The following EPB41L4A variants were observed in gnomAD, a reference collection of about 807,000 sequenced individuals.
EPB41L4A encodes the protein erythrocyte membrane protein band 4.1 like 4A.
Under a neutral mutation model 108.6 loss-of-function variants are expected in EPB41L4A, and 100 were observed. That is an observed-to-expected ratio of 0.92 (90% CI 0.78 to 1.09). The LOEUF (loss-of-function observed/expected upper bound fraction) is 1.09, where lower values mean the gene tolerates loss of function less well. Ranked by LOEUF, EPB41L4A falls within the 50% of genes least tolerant of loss-of-function variation. The pLI, the probability that EPB41L4A is intolerant of heterozygous loss-of-function variation, is 0.00. For synonymous variants in EPB41L4A, 319 were observed against 289.0 expected (o/e 1.10, Z -1.05); for missense variants, 1,030 against 842.7 (o/e 1.22, Z -2.75).
At chr5:112,235,074 A>G (rs1042452576) in intron 11 of EPB41L4A, among the ~76,000 whole-genome samples, 2 of 152,226 alleles carry the variant, frequency 1.3e-5, no homozygotes, top group African/African-American at 2.4e-5. Flanking sequence ...TAAATAATAA[A>G]GAAATTAAGT....
chr5:112,296,762 AC>A (rs1275554875), intron 2 of EPB41L4A, among the ~76,000 whole-genome samples: 3 of 150,980 alleles, frequency 2.0e-5, no homozygotes, highest in Non-Finnish European at 4.4e-5. Context: ...CCCCCTTCCT[AC>A]CCCTTCCCTC....
At chr5:112,190,448 A>G (rs1761640082) in intron 17 of EPB41L4A, among the ~76,000 whole-genome samples, 1 of 152,182 alleles carries the variant, frequency 6.6e-6, no homozygotes. Context: ...GCACCTACCC[A>G]TGAATCACAA....
chr5:112,227,927 G>C (rs904704591), intron 12 of EPB41L4A, among the ~76,000 whole-genome samples: 2 of 152,176 alleles, frequency 1.3e-5, no homozygotes, highest in Admixed American at 6.5e-5. Context: ...TCACTATGGG[G>C]GGTCCAGAGC....
At chr5:112,271,122 A>G (rs1354937772) in intron 4 of EPB41L4A, among the ~76,000 whole-genome samples, 2 of 152,182 alleles carry the variant, frequency 1.3e-5, no homozygotes, top group Admixed American at 6.5e-5. Context: ...TACTCCAGAT[A>G]GTTACTGAAT....
chr5:112,404,148 A>T (rs1761947279), intron 1 of EPB41L4A, among the ~76,000 whole-genome samples: 1 of 152,222 alleles, frequency 6.6e-6, no homozygotes, highest in South Asian at 2.1e-4. Context: ...CACCTCCCAT[A>T]AGGCACAGCA....
At chr5:112,265,524 A>C (rs920207310) in intron 5 of EPB41L4A, among the ~76,000 whole-genome samples, 3 of 152,118 alleles carry the variant, frequency 2.0e-5, no homozygotes, top group African/African-American at 7.2e-5. Flanking sequence ...CCACTATATT[A>C]CTCCTATACA....
At chr5:112,281,029 TAG>T (rs1271429192) in intron 2 of EPB41L4A, among the ~76,000 whole-genome samples, 5 of 152,200 alleles carry the variant, frequency 3.3e-5, no homozygotes, top group Non-Finnish European at 7.4e-5. Context: ...GGCAGACCCA[TAG>T]AGAGTCTGTT....
intron 15 of EPB41L4A, among the ~76,000 whole-genome samples, chr5:112,196,047 A>G (rs1466087798): frequency 1.3e-5 from 2 of 152,074 alleles, no homozygotes. Flanking sequence ...GCCCTTTCCC[A>G]TACCCTGAGG....
chr5:112,354,873 C>A (rs1758273686), intron 1 of EPB41L4A, among the ~76,000 whole-genome samples: 2 of 152,100 alleles, frequency 1.3e-5, no homozygotes, highest in Non-Finnish European at 2.9e-5. Flanking sequence ...TTAACTACAT[C>A]TTTTATTAGT....
intron 2 of EPB41L4A, among the ~76,000 whole-genome samples, chr5:112,290,926 A>G (rs1197666015): frequency 3.9e-5 from 6 of 152,146 alleles, no homozygotes; most frequent in African/African-American, 1.4e-4. Flanking sequence ...GCACAGCTGC[A>G]CACTGCAGCC....
At chr5:112,395,400 G>GA (rs1761260714) in intron 1 of EPB41L4A, among the ~76,000 whole-genome samples, 3 of 152,012 alleles carry the variant, frequency 2.0e-5, no homozygotes, top group Non-Finnish European at 4.4e-5. Context: ...AAATTTAGAA[G>GA]AAAAAACAAA....
At chr5:112,197,467 C>T (rs1297449109) in intron 15 of EPB41L4A, among the ~76,000 whole-genome samples, 1 of 152,188 alleles carries the variant, frequency 6.6e-6, no homozygotes, top group Non-Finnish European at 1.5e-5. Context: ...CACAATTATA[C>T]CGAAATTGGT....
intron 18 of EPB41L4A, 85 bp downstream of exon 18, chr5:112,183,931 C>G: frequency 6.6e-7 from 1 of 1,511,604 alleles, no homozygotes; most frequent in Non-Finnish European, 9.0e-7. Flanking sequence ...CCTAGTTGAA[C>G]TAAAACACTT....
intron 11 of EPB41L4A, among the ~76,000 whole-genome samples, chr5:112,239,363 C>A (rs1749605389): frequency 6.6e-6 from 1 of 152,094 alleles, no homozygotes; most frequent in Admixed American, 6.6e-5. Flanking sequence ...GTTTCATAAT[C>A]ACAAAACACA....
intron 1 of EPB41L4A, among the ~76,000 whole-genome samples, chr5:112,324,617 G>A (rs1294093296): frequency 2.0e-5 from 3 of 151,810 alleles, no homozygotes; most frequent in South Asian, 4.2e-4. Context: ...CAGTGACTCG[G>A]GAGGCTGAGG....
intron 1 of EPB41L4A, among the ~76,000 whole-genome samples, chr5:112,346,984 A>G (rs968444010): frequency 2.0e-5 from 3 of 152,226 alleles, no homozygotes; most frequent in Admixed American, 1.3e-4. Context: ...TTTGACAGTT[A>G]GAGTCCAAAC....
rs531289244 is a variant in EPB41L4A at position 112,252,980 on chromosome 5, A to G, written c.795+6249T>C. Among the ~76,000 whole-genome samples, 8 of 152,320 alleles carry G rather than the reference A, an allele frequency of 5.3e-5. No homozygotes were observed. In the East Asian group the frequency reaches 1.5e-3, roughly 29 times the overall value. On this transcript the variant is annotated intron_variant, in intron 9 of 22. Transcript: ENST00000261486. ...TCAGTGGAATGCTGAGGGCTGACTC[A>G]TAAATGTGGAGGGAGTACAGAGCTA...
At chr5:112,200,884 T>C (rs529717784) in intron 15 of EPB41L4A, among the ~76,000 whole-genome samples, 1 of 152,342 alleles carries the variant, frequency 6.6e-6, no homozygotes, top group African/African-American at 2.4e-5. Flanking sequence ...ATAGCTTGTA[T>C]CCACCTCATG....
intron 1 of EPB41L4A, among the ~76,000 whole-genome samples, chr5:112,311,139 C>T (rs1755023497): frequency 6.6e-6 from 1 of 152,122 alleles, no homozygotes; most frequent in African/African-American, 2.4e-5. Context: ...GCTGGGACTA[C>T]AGGCATGCAC....
Sources: allele counts gnomAD v4.1 joint callset (sites outside exome capture counted in the v4.1 genomes callset), GRCh38; gene constraint gnomAD v4.1.1; transcripts MANE v1.5; gene names NCBI Gene and HGNC (gene_info 2026-07-23, HGNC 2026-07-21).